MYO5C: variants seen among roughly 807,000 people sequenced by gnomAD.
MYO5C encodes the protein myosin VC.
A neutral mutation model predicts 235.7 loss-of-function variants in MYO5C; 194 were observed. The observed-to-expected ratio is 0.82, with a 90% CI of 0.73 to 0.93. The LOEUF (loss-of-function observed/expected upper bound fraction) is 0.93. Among genes scored for constraint, MYO5C ranks in the 40% least tolerant of loss-of-function variants. MYO5C has a pLI of 0.00. For synonymous variants in MYO5C, 707 were observed against 754.8 expected (o/e 0.94, Z 1.04); for missense variants, 2,038 against 2,127.2 (o/e 0.96, Z 0.82).
intron 25 of MYO5C, 140 bp from the exon 26 acceptor site, chr15:52,225,672 T>C: frequency 1.5e-6 from 1 of 647,926 alleles, no homozygotes; most frequent in Non-Finnish European, 2.8e-6. Context: ...AAAATCTTGT[T>C]AAACCATCAC....
chr15:52,259,919 G>T (rs2036656623), intron 10 of MYO5C, among the ~76,000 whole-genome samples: 2 of 152,238 alleles, frequency 1.3e-5, no homozygotes, highest in Admixed American at 1.3e-4. Context: ...TGGGGAATGG[G>T]GTTGAGCTGC....
intron 9 of MYO5C, among the ~76,000 whole-genome samples, chr15:52,263,013 C>A (rs10851511): frequency 0.94 from 142,301 of 152,088 alleles, 66,994 homozygotes; most frequent in Non-Finnish European, 0.99. Flanking sequence ...TCTCTCTCCA[C>A]CATGAGGACA....
intron 8 of MYO5C, among the ~76,000 whole-genome samples, chr15:52,265,976 G>A (rs7170623): frequency 0.029 from 4,427 of 152,296 alleles, 218 homozygotes; most frequent in African/African-American, 0.1. Context: ...AAGGACAGAT[G>A]TGTCCAACAG....
intron 2 of MYO5C, among the ~76,000 whole-genome samples, chr15:52,280,304 G>A (rs771298118): frequency 6.6e-6 from 1 of 152,220 alleles, no homozygotes; most frequent in African/African-American, 2.4e-5. Context: ...CCCCCAGCAG[G>A]GCTGTCTATT....
At chr15:52,275,866 T>G in intron 4 of MYO5C, 148 bp from the exon 5 acceptor site, 1 of 792,260 alleles carries the variant, frequency 1.3e-6, no homozygotes, top group Non-Finnish European at 2.0e-6. Flanking sequence ...CTTCTAGATT[T>G]TTTTTTCTAT....
rs2035630161 is a variant in MYO5C, at chr15:52,219,528, T to G, written c.3785+231A>C. Among the ~76,000 whole-genome samples the G allele has an allele frequency of 3.9e-5, 6 of 152,244 alleles. No individual in the cohort carries two copies. In the South Asian group the frequency reaches 1.2e-3, roughly 32 times the overall value. ...GTCACCAAGCCTGAAGGCAACCAAC[T>G]GCCTGGAGGCAACCAATGTTTTGTT... On this transcript the variant is annotated intron_variant, in intron 31 of 40. Transcript: ENST00000261839.
chr15:52,234,961 G>A (rs1197647546), intron 23 of MYO5C, among the ~76,000 whole-genome samples: 1 of 150,514 alleles, frequency 6.6e-6, no homozygotes, highest in African/African-American at 2.5e-5. Flanking sequence ...ACTGAGAGTG[G>A]TGATTTAAAC....
chr15:52,235,791 C>G, intron 22 of MYO5C, 28 bp from the exon 23 acceptor site: 1 of 1,535,410 alleles, frequency 6.5e-7, no homozygotes. Context: ...GAAAAACAAA[C>G]TTTTTTGAAA....
At chr15:52,214,447 A>G (rs1445342366) in intron 33 of MYO5C, among the ~76,000 whole-genome samples, 156 bp downstream of exon 33, 1 of 152,202 alleles carries the variant, frequency 6.6e-6, no homozygotes, top group Non-Finnish European at 1.5e-5. Context: ...TCCTGACCCA[A>G]AGGATCCTTT....
intron 4 of MYO5C, chr15:52,277,125 T>G: frequency 1.9e-6 from 1 of 515,210 alleles, no homozygotes; most frequent in South Asian, 1.4e-5. Flanking sequence ...AATGACATGC[T>G]CAGTGTCCCT....
At position 52,242,114 on chromosome 15, in the gene MYO5C, A is replaced by C. The variant is rs1720432551; in HGVS notation, c.2490T>G (p.Ile830Met). The change falls in exon 20 of 41, where the codon ATT (isoleucine) becomes ATG (methionine). Residue 830 changes from isoleucine to methionine, a missense_variant. Coordinates refer to ENST00000261839, the MANE Select transcript of MYO5C (RefSeq NM_018728.4). The stretch of plus-strand genomic sequence containing the variant: ...CCTGCATTGTGATGGTGGCCATGCG[A>C]ATCAACTGATACAGGCTGCGAACAA... ...GYLVRSLYQL[I>M]RMATITMQAY... The C allele has an allele frequency of 6.2e-7, 1 of 1,614,154 alleles. No homozygotes were observed. Among genetic ancestry groups the C allele is most frequent in the South Asian group, 1.1e-5 (1 of 91,074 alleles).
intron 21 of MYO5C, among the ~76,000 whole-genome samples, chr15:52,238,578 T>C (rs981938163): frequency 2.0e-5 from 3 of 151,846 alleles, no homozygotes; most frequent in South Asian, 2.1e-4. Context: ...ATCTAGACAC[T>C]GTGTGTTCCA....
Position 52,232,001 on chromosome 15 carries a change from G to A in MYO5C, c.3026+621C>T, listed in dbSNP as rs530236895. Among the ~76,000 whole-genome samples, 9 of 152,228 alleles carry A rather than the reference G, an allele frequency of 5.9e-5. No individual in the cohort carries two copies. The South Asian group carries it at 1.9e-3, about 32-fold the overall frequency. On this transcript the variant is annotated intron_variant, in intron 24 of 40. Coordinates refer to ENST00000261839, the MANE Select transcript of MYO5C (RefSeq NM_018728.4). The stretch of plus-strand genomic sequence containing the variant: ...GACAATAGGTGGGGAAGGAAAGGAG[G>A]GAGGTTTATTTCCTAGGCAAGAATC...
chr15:52,263,413 C>T (rs1433659136), intron 9 of MYO5C, among the ~76,000 whole-genome samples: 1 of 152,080 alleles, frequency 6.6e-6, no homozygotes, highest in African/African-American at 2.4e-5. Context: ...TTTCACAAAA[C>T]TTACAATACA....
At chr15:52,292,529 G>C (rs1023608158) in intron 1 of MYO5C, among the ~76,000 whole-genome samples, 1 of 152,214 alleles carries the variant, frequency 6.6e-6, no homozygotes, top group Non-Finnish European at 1.5e-5. Flanking sequence ...GGCGGCACAT[G>C]AAACTCTGAG....
intron 24 of MYO5C, among the ~76,000 whole-genome samples, chr15:52,230,607 G>A (rs1055354045): frequency 1.3e-5 from 2 of 151,868 alleles, no homozygotes; most frequent in Non-Finnish European, 2.9e-5. Context: ...ATGGGGTTTT[G>A]CCATGTTGGC....
At chr15:52,269,194 G>C (rs534496157) in intron 8 of MYO5C, among the ~76,000 whole-genome samples, 12 of 152,264 alleles carry the variant, frequency 7.9e-5, no homozygotes, top group African/African-American at 2.9e-4. Flanking sequence ...GCAGTCACAG[G>C]GCTTGCAGCC....
chr15:52,277,746 A>T (rs998216777), intron 4 of MYO5C: 7 of 427,682 alleles, frequency 1.6e-5, no homozygotes, highest in Non-Finnish European at 2.8e-5. Context: ...AGGGACAGGG[A>T]GCTGCACGGC....
chr15:52,221,029 T>C, intron 30 of MYO5C, 133 bp downstream of exon 30: 1 of 640,358 alleles, frequency 1.6e-6, no homozygotes. Context: ...CTAGCCCCCT[T>C]CTCACATTTG....
Sources: allele counts gnomAD v4.1 joint callset (sites outside exome capture counted in the v4.1 genomes callset), GRCh38; gene constraint gnomAD v4.1.1; transcripts MANE v1.5; gene names NCBI Gene and HGNC (gene_info 2026-07-23, HGNC 2026-07-21).